Variants in CEP112 observed in about 807,000 individuals in gnomAD.
CEP112 encodes centrosomal protein of 112 kDa.
In CEP112, 127 loss-of-function variants were observed where a neutral mutation model predicts 153.0. That is an observed-to-expected ratio of 0.83 (90% CI 0.72 to 0.96). The LOEUF (loss-of-function observed/expected upper bound fraction) is 0.96, where lower values mean the gene tolerates loss of function less well. CEP112 is among the 40% of genes least tolerant of loss of function. The pLI is 0.00. For missense variants in CEP112, 1,089 were observed against 1,101.2 expected (o/e 0.99, Z 0.16); for synonymous variants, 358 against 374.4 (o/e 0.96, Z 0.51).
chr17:65,969,853 G>A (rs1175787185), intron 17 of CEP112, among the ~76,000 whole-genome samples: 2 of 152,094 alleles, frequency 1.3e-5, no homozygotes, highest in Admixed American at 1.3e-4. Flanking sequence ...TATATAGCAT[G>A]CATGCAAATT....
At chr17:65,975,778 C>A (rs879899097) in intron 17 of CEP112, among the ~76,000 whole-genome samples, 3 of 152,168 alleles carry the variant, frequency 2.0e-5, no homozygotes, top group Non-Finnish European at 4.4e-5. Context: ...AAGGTACACT[C>A]AGGAGGAGTC....
intron 21 of CEP112, among the ~76,000 whole-genome samples, chr17:65,792,859 T>G (rs2145741900): frequency 6.6e-6 from 1 of 152,322 alleles, no homozygotes; most frequent in South Asian, 2.1e-4. Context: ...AAATATTTCA[T>G]GGAGGAAATT....
intron 23 of CEP112, among the ~76,000 whole-genome samples, chr17:65,690,124 A>C (rs1357065335): frequency 2.0e-5 from 3 of 150,072 alleles, no homozygotes; most frequent in African/African-American, 4.9e-5. Context: ...AAAAAAAAAA[A>C]AAAAAAAAAA....
intron 18 of CEP112, among the ~76,000 whole-genome samples, chr17:65,934,857 G>T (rs960672628): frequency 3.2e-4 from 48 of 152,230 alleles, no homozygotes; most frequent in Admixed American, 8.5e-4. Context: ...CAGCATGGCT[G>T]CGGAGGCCTC....
At chr17:66,171,093 A>G (rs1264801967) in intron 4 of CEP112, among the ~76,000 whole-genome samples, 1 of 152,208 alleles carries the variant, frequency 6.6e-6, no homozygotes, top group Non-Finnish European at 1.5e-5. Context: ...ACTATATACC[A>G]TATCCTACAG....
At chr17:65,880,714 C>T (rs537574119) in intron 20 of CEP112, among the ~76,000 whole-genome samples, 35 of 152,290 alleles carry the variant, frequency 2.3e-4, no homozygotes, top group Middle Eastern at 6.8e-3. Context: ...TGAAGACGTG[C>T]TCTGAGGCTG....
At chr17:65,852,911 GGATACT>G (rs2058015701) in intron 20 of CEP112, among the ~76,000 whole-genome samples, 1 of 151,726 alleles carries the variant, frequency 6.6e-6, no homozygotes. Context: ...ATGTCTCTCT[GGATACT>G]GATTTAGTTC....
intron 17 of CEP112, among the ~76,000 whole-genome samples, chr17:65,996,733 T>G (rs11079616): frequency 0.41 from 62,483 of 152,044 alleles, 14,306 homozygotes; most frequent in East Asian, 0.87. Context: ...TCATTCATGA[T>G]ATTTACTTAC....
At chr17:65,919,986 C>T (rs1270727285) in intron 19 of CEP112, among the ~76,000 whole-genome samples, 1 of 151,956 alleles carries the variant, frequency 6.6e-6, no homozygotes, top group African/African-American at 2.4e-5. Context: ...GCCATTTACT[C>T]AAATGGATGT....
At chr17:66,135,970 G>A (rs1046074507) in intron 4 of CEP112, among the ~76,000 whole-genome samples, 3 of 152,052 alleles carry the variant, frequency 2.0e-5, no homozygotes, top group African/African-American at 4.8e-5. Context: ...TTCTCTCAAT[G>A]GACACATAAA....
intron 21 of CEP112, among the ~76,000 whole-genome samples, chr17:65,763,897 T>A (rs1269931912): frequency 6.6e-6 from 1 of 152,002 alleles, no homozygotes; most frequent in East Asian, 1.9e-4. Flanking sequence ...TAGCTGGACA[T>A]GATGTATTGG....
At chr17:65,755,047 A>T (rs1275134224) in intron 21 of CEP112, among the ~76,000 whole-genome samples, 2 of 152,144 alleles carry the variant, frequency 1.3e-5, no homozygotes, top group Admixed American at 6.5e-5. Context: ...ATGTAACTAA[A>T]CTGCACATCC....
rs142003746 is a variant in CEP112, at chr17:65,690,257, T to C, written c.2608-1039A>G. On this transcript the variant is annotated intron_variant, in intron 23 of 26. Transcript: ENST00000535342. The stretch of plus-strand genomic sequence containing the variant: ...CTGGGCAACATAGCAAGATCTTTTC[T>C]ACAATTTTTTAAAATTTAATTAGCT... Among the ~76,000 whole-genome samples, 26 of 151,900 alleles carry C rather than the reference T, an allele frequency of 1.7e-4. No homozygotes were observed. In the East Asian group the frequency reaches 5.1e-3, roughly 30 times the overall value.
At chr17:65,841,818 T>C (rs1247421640) in intron 21 of CEP112, among the ~76,000 whole-genome samples, 3 of 151,732 alleles carry the variant, frequency 2.0e-5, no homozygotes, top group Admixed American at 2.0e-4. Context: ...TGCATAATTA[T>C]CAGCACTAAT....
At chr17:66,169,762 A>T (rs1380976772) in intron 4 of CEP112, among the ~76,000 whole-genome samples, 2 of 152,212 alleles carry the variant, frequency 1.3e-5, no homozygotes, top group Non-Finnish European at 2.9e-5. Flanking sequence ...TAGATTGCAT[A>T]CTTTTCCAAA....
At chr17:65,800,149 C>A (rs1250268587) in intron 21 of CEP112, among the ~76,000 whole-genome samples, 2 of 152,128 alleles carry the variant, frequency 1.3e-5, no homozygotes, top group Non-Finnish European at 2.9e-5. Flanking sequence ...CCACAAAACA[C>A]ACCTTTTAAG....
At chr17:65,684,965 T>C (rs569449200) in intron 24 of CEP112, among the ~76,000 whole-genome samples, 13 of 152,328 alleles carry the variant, frequency 8.5e-5, no homozygotes, top group Admixed American at 2.6e-4. Context: ...ATAAAAATAA[T>C]GGTGATTTTA....
At chr17:66,163,721 C>T (rs1335667366) in intron 4 of CEP112, among the ~76,000 whole-genome samples, 3 of 152,128 alleles carry the variant, frequency 2.0e-5, no homozygotes, top group East Asian at 1.9e-4. Flanking sequence ...ATTTAAAAAT[C>T]GTACATTTAA....
intron 23 of CEP112, among the ~76,000 whole-genome samples, chr17:65,698,383 T>C (rs1233982078): frequency 6.6e-6 from 1 of 152,214 alleles, no homozygotes; most frequent in Admixed American, 6.5e-5. Flanking sequence ...ACTTTTTCTC[T>C]TTCCTTCTCT....
Sources: gnomAD v4.1 joint callset for allele counts (sites outside exome capture counted in the v4.1 genomes callset) on GRCh38, gnomAD v4.1.1 for gene constraint, MANE v1.5 for transcripts, NCBI Gene and HGNC (gene_info 2026-07-23, HGNC 2026-07-21) for gene names.